ANGPT1: variants seen among roughly 807,000 people sequenced by gnomAD.
The protein encoded by ANGPT1 is angiopoietin-1.
ANGPT1 carries 17 observed loss-of-function variants against 62.2 expected under a neutral mutation model. The observed-to-expected ratio is 0.27, with a 90% CI of 0.19 to 0.41. ANGPT1 has a LOEUF of 0.41. ANGPT1 is among the 10% of genes least tolerant of loss of function. The probability of loss-of-function intolerance (pLI) is 1.00; values close to 1 mark genes in which losing one functional copy is unlikely to be tolerated. For synonymous variants in ANGPT1, 199 were observed against 198.9 expected (o/e 1.00, Z 0.00); for missense variants, 478 against 594.9 (o/e 0.80, Z 2.04).
At chr8:107,354,923 T>C (rs553436502) in intron 1 of ANGPT1, among the ~76,000 whole-genome samples, 1 of 151,848 alleles carries the variant, frequency 6.6e-6, no homozygotes, top group East Asian at 1.9e-4. Context: ...TTGCTTTTTT[T>C]TTTTTTTTTG....
intron 1 of ANGPT1, among the ~76,000 whole-genome samples, chr8:107,430,977 T>C (rs1811170219): frequency 6.6e-6 from 1 of 152,252 alleles, no homozygotes; most frequent in African/African-American, 2.4e-5. Context: ...GTGAAAATTC[T>C]TGAGTTTCTA....
At chr8:107,366,398 A>T (rs973975366) in intron 1 of ANGPT1, among the ~76,000 whole-genome samples, 2 of 152,330 alleles carry the variant, frequency 1.3e-5, no homozygotes, top group African/African-American at 2.4e-5. Flanking sequence ...TTCAGGGCAG[A>T]CTAAACAGAA....
chr8:107,448,538 G>A (rs1178497330), intron 1 of ANGPT1, among the ~76,000 whole-genome samples: 1 of 152,056 alleles, frequency 6.6e-6, no homozygotes, highest in Non-Finnish European at 1.5e-5. Context: ...TGCTCTTACG[G>A]TGTATGTTTT....
intron 1 of ANGPT1, among the ~76,000 whole-genome samples, chr8:107,451,289 C>G (rs1368867727): frequency 1.4e-5 from 2 of 146,482 alleles, no homozygotes; most frequent in Non-Finnish European, 3.0e-5. Flanking sequence ...CCACCACTTA[C>G]ACTTATACAC....
At chr8:107,356,229 A>G (rs1816042225) in intron 1 of ANGPT1, among the ~76,000 whole-genome samples, 1 of 152,228 alleles carries the variant, frequency 6.6e-6, no homozygotes, top group South Asian at 2.1e-4. Flanking sequence ...TGCTATTCCC[A>G]AACATCTCGA....
intron 7 of ANGPT1, among the ~76,000 whole-genome samples, chr8:107,275,241 T>C (rs1271479359): frequency 6.6e-6 from 1 of 152,128 alleles, no homozygotes; most frequent in Non-Finnish European, 1.5e-5. Flanking sequence ...AGGCCATGGC[T>C]GCTTACCTGT....
intron 1 of ANGPT1, among the ~76,000 whole-genome samples, chr8:107,361,365 A>C (rs756652733): frequency 3.3e-5 from 5 of 151,040 alleles, no homozygotes; most frequent in Admixed American, 6.6e-5. Flanking sequence ...TGGTTGTTGA[A>C]AGCAAAGTTA....
At chr8:107,353,324 T>C (rs902321927) in intron 1 of ANGPT1, among the ~76,000 whole-genome samples, 1 of 152,170 alleles carries the variant, frequency 6.6e-6, no homozygotes, top group Non-Finnish European at 1.5e-5. Context: ...ATGTCAGATG[T>C]CAGGTCATGG....
intron 8 of ANGPT1, among the ~76,000 whole-genome samples, chr8:107,257,940 C>G (rs1276635466): frequency 7.1e-6 from 1 of 140,842 alleles, no homozygotes; most frequent in Non-Finnish European, 1.5e-5. Flanking sequence ...CTCTCTCTCT[C>G]TCTCTCTTTC....
chr8:107,455,030 AAAT>A (rs1363242690), intron 1 of ANGPT1, among the ~76,000 whole-genome samples: 1 of 152,024 alleles, frequency 6.6e-6, no homozygotes, highest in Non-Finnish European at 1.5e-5. Flanking sequence ...CACTTTCTCA[AAAT>A]ATTCCTTCAG....
chr8:107,389,406 A>C (rs185276399), intron 1 of ANGPT1, among the ~76,000 whole-genome samples: 238 of 152,274 alleles, frequency 1.6e-3, no homozygotes, highest in Admixed American at 3.0e-3. Flanking sequence ...TGGGAAATGA[A>C]GAGAAGGATA....
intron 1 of ANGPT1, among the ~76,000 whole-genome samples, chr8:107,468,164 T>C (rs1812254796): frequency 6.6e-6 from 1 of 152,060 alleles, no homozygotes; most frequent in African/African-American, 2.4e-5. Context: ...TTGTGCATGA[T>C]CAAGCCAAGG....
chr8:107,492,525 C>G (rs1244720276), intron 1 of ANGPT1, among the ~76,000 whole-genome samples: 1 of 152,092 alleles, frequency 6.6e-6, no homozygotes, highest in African/African-American at 2.4e-5. Context: ...TTAGTAGAGA[C>G]AGGGTTTCGC....
At chr8:107,381,912 T>G (rs1816645070) in intron 1 of ANGPT1, among the ~76,000 whole-genome samples, 1 of 152,196 alleles carries the variant, frequency 6.6e-6, no homozygotes, top group Non-Finnish European at 1.5e-5. Context: ...TTCCTGCTCT[T>G]TGCCTATTCT....
At chr8:107,319,088 C>T (rs1039788810) in intron 4 of ANGPT1, among the ~76,000 whole-genome samples, 2 of 152,078 alleles carry the variant, frequency 1.3e-5, no homozygotes, top group African/African-American at 2.4e-5. Flanking sequence ...TCTTGTCCAT[C>T]GAAGGAGAAA....
intron 7 of ANGPT1, 43 bp downstream of exon 7, chr8:107,284,639 C>A (rs774864644): frequency 1.5e-6 from 2 of 1,355,788 alleles, no homozygotes; most frequent in Non-Finnish European, 1.9e-6. Flanking sequence ...TATTAAGTGG[C>A]TAGGTAAAAG....
intron 1 of ANGPT1, among the ~76,000 whole-genome samples, chr8:107,438,912 A>G (rs1811402218): frequency 6.6e-6 from 1 of 152,122 alleles, no homozygotes; most frequent in Non-Finnish European, 1.5e-5. Flanking sequence ...TTACGAACAA[A>G]ATGTATTTTT....
chr8:107,441,217 G>A (rs929331827), intron 1 of ANGPT1, among the ~76,000 whole-genome samples: 3 of 152,052 alleles, frequency 2.0e-5, no homozygotes, highest in Non-Finnish European at 4.4e-5. Context: ...TACCTTCCAA[G>A]CAAGTGCTGT....
chr8:107,482,976 T>A (rs1256997532), intron 1 of ANGPT1, among the ~76,000 whole-genome samples: 1 of 152,170 alleles, frequency 6.6e-6, no homozygotes, highest in African/African-American at 2.4e-5. Flanking sequence ...ATATTTTGTA[T>A]CTGACCAGAA....
Sources: gnomAD v4.1 joint callset for allele counts (sites outside exome capture counted in the v4.1 genomes callset) on GRCh38, gnomAD v4.1.1 for gene constraint, MANE v1.5 for transcripts, NCBI Gene and HGNC (gene_info 2026-07-23, HGNC 2026-07-21) for gene names.